MIS18A: variants seen among roughly 807,000 people sequenced by gnomAD.
MIS18A encodes the protein protein Mis18-alpha.
Under a neutral mutation model 25.0 loss-of-function variants are expected in MIS18A, and 14 were observed. That is an observed-to-expected ratio of 0.56 (90% CI 0.37 to 0.88). The LOEUF (loss-of-function observed/expected upper bound fraction) is 0.88. Among genes scored for constraint, MIS18A ranks in the 40% least tolerant of loss-of-function variants. The probability of loss-of-function intolerance (pLI) is 0.00; values close to 1 mark genes in which losing one functional copy is unlikely to be tolerated. For synonymous variants in MIS18A, 134 were observed against 118.6 expected (o/e 1.13, Z -0.84); for missense variants, 292 against 290.8 (o/e 1.00, Z -0.03).
the MIS18A span, among the ~76,000 whole-genome samples, chr21:32,172,750 A>G: frequency 6.6e-6 from 1 of 152,182 alleles, no homozygotes; most frequent in African/African-American, 2.4e-5. Flanking sequence ...TGATACTGGC[A>G]TAAGGATAGA....
At chr21:32,241,556 T>C in the MIS18A span, among the ~76,000 whole-genome samples, 2 of 152,184 alleles carry the variant, frequency 1.3e-5, no homozygotes, top group Non-Finnish European at 1.5e-5. Context: ...TTAGGAAGAC[T>C]TGGAGCCAGC....
chr21:32,174,748 T>A, the MIS18A span, among the ~76,000 whole-genome samples: 5 of 145,820 alleles, frequency 3.4e-5, no homozygotes, highest in Non-Finnish European at 7.4e-5. Flanking sequence ...TGATGAAAAC[T>A]TGAACATGAT....
intron 2 of MIS18A, among the ~76,000 whole-genome samples, chr21:32,272,010 C>A (rs912051919): frequency 1.3e-5 from 2 of 152,190 alleles, no homozygotes; most frequent in African/African-American, 4.8e-5. Flanking sequence ...TCAACCTAAA[C>A]ACCACCAAAA....
chr21:32,204,474 G>A, the MIS18A span, among the ~76,000 whole-genome samples: 1 of 151,844 alleles, frequency 6.6e-6, no homozygotes, highest in Non-Finnish European at 1.5e-5. Context: ...TCCAGCCTGG[G>A]TGACAGAATG....
intron 1 of MIS18A, 147 bp downstream of exon 1, chr21:32,278,534 C>G (rs1344422408): frequency 4.5e-6 from 4 of 887,462 alleles, no homozygotes; most frequent in South Asian, 1.9e-5. Context: ...TCCCCTTTTC[C>G]TGCCACAGCT....
chr21:32,266,397 T>C (rs576899650), downstream of MIS18A, among the ~76,000 whole-genome samples: 5 of 152,258 alleles, frequency 3.3e-5, no homozygotes, highest in East Asian at 3.9e-4. Context: ...CGAGCCAGCA[T>C]TGGCAACCTG....
chr21:32,267,543 C>T (rs963088224), downstream of MIS18A, among the ~76,000 whole-genome samples: 4 of 152,202 alleles, frequency 2.6e-5, no homozygotes, highest in African/African-American at 9.7e-5. Flanking sequence ...AAATATTGTA[C>T]AGCCCCTTCC....
the MIS18A span, among the ~76,000 whole-genome samples, chr21:32,173,052 A>G: frequency 6.7e-6 from 1 of 149,278 alleles, no homozygotes; most frequent in Non-Finnish European, 1.5e-5. Flanking sequence ...ACTTTAGGTC[A>G]GGCAGTACTT....
the MIS18A span, among the ~76,000 whole-genome samples, chr21:32,158,469 T>A: frequency 1.6e-5 from 2 of 122,062 alleles, no homozygotes; most frequent in African/African-American, 3.7e-5. Flanking sequence ...AAGATTATTA[T>A]GATTTTTTTT....
chr21:32,258,806 G>T, the MIS18A span, among the ~76,000 whole-genome samples: 1 of 151,884 alleles, frequency 6.6e-6, no homozygotes, highest in Non-Finnish European at 1.5e-5. Flanking sequence ...TTGGTTCAGC[G>T]GGCCTGGATG....
At chr21:32,273,666 G>T (rs1297518283) in intron 2 of MIS18A, among the ~76,000 whole-genome samples, 2 of 152,190 alleles carry the variant, frequency 1.3e-5, no homozygotes, top group African/African-American at 4.8e-5. Context: ...CTCCTAATGT[G>T]ATGGTATTGG....
chr21:32,222,316 G>A, the MIS18A span, among the ~76,000 whole-genome samples: 1 of 152,136 alleles, frequency 6.6e-6, no homozygotes, highest in Non-Finnish European at 1.5e-5. Context: ...CCTACAAAGA[G>A]ACTTAGACTC....
chr21:32,192,808 G>T, the MIS18A span, among the ~76,000 whole-genome samples: 463 of 152,330 alleles, frequency 3.0e-3, 3 homozygotes, highest in African/African-American at 0.011. Context: ...CCTCTTGCAA[G>T]GTGGGAGCAG....
the MIS18A span, among the ~76,000 whole-genome samples, chr21:32,178,931 T>TCTTCAGCTG: frequency 4.6e-5 from 7 of 152,152 alleles, no homozygotes; most frequent in East Asian, 1.9e-4. Flanking sequence ...TCAGCATCTA[T>TCTTCAGCTG]CTTCAGCTGC....
the MIS18A span, among the ~76,000 whole-genome samples, chr21:32,228,553 T>C: frequency 6.6e-6 from 1 of 152,092 alleles, no homozygotes; most frequent in Non-Finnish European, 1.5e-5. Context: ...AAGGAAGAAG[T>C]AAAACTCTCT....
the MIS18A span, among the ~76,000 whole-genome samples, chr21:32,188,389 C>T: frequency 4.6e-5 from 7 of 152,300 alleles, no homozygotes; most frequent in Admixed American, 2.6e-4. Context: ...CCAGATGACA[C>T]CTGCACACAT....
At chr21:32,274,788 G>T (rs1392332398) in intron 2 of MIS18A, 42 bp downstream of exon 2, 1 of 1,482,316 alleles carries the variant, frequency 6.7e-7, no homozygotes, top group Non-Finnish European at 9.3e-7. Flanking sequence ...TTTTATTAAA[G>T]AAAATTCTCT....
chr21:32,207,410 C>T, the MIS18A span, among the ~76,000 whole-genome samples: 3 of 152,196 alleles, frequency 2.0e-5, no homozygotes, highest in African/African-American at 7.2e-5. Flanking sequence ...ATACCATGCA[C>T]ATGTGATACC....
chr21:32,259,529 T>C, the MIS18A span, among the ~76,000 whole-genome samples: 2 of 152,150 alleles, frequency 1.3e-5, no homozygotes, highest in Non-Finnish European at 2.9e-5. Context: ...AAGCAACCAT[T>C]CCAGGACGGC....
Sources: allele counts gnomAD v4.1 joint callset (sites outside exome capture counted in the v4.1 genomes callset), GRCh38; gene constraint gnomAD v4.1.1; transcripts MANE v1.5; gene names NCBI Gene and HGNC (gene_info 2026-07-23, HGNC 2026-07-21).